NAV2: variants seen among roughly 807,000 people sequenced by gnomAD.
NAV2 encodes helicase, APC down-regulated 1.
NAV2 carries 54 observed loss-of-function variants against 223.2 expected under a neutral mutation model. The ratio of observed to expected loss-of-function variants is 0.24; its 90% confidence interval spans 0.19 to 0.30. The LOEUF is 0.30. NAV2 is among the 10% of genes least tolerant of loss of function. The pLI is 1.00. For missense variants in NAV2, 2,806 were observed against 3,147.5 expected (o/e 0.89, Z 2.60); for synonymous variants, 1,279 against 1,239.3 (o/e 1.03, Z -0.67).
At chr11:20,093,839 G>A (rs1429081013) in intron 29 of NAV2, among the ~76,000 whole-genome samples, 1 of 152,180 alleles carries the variant, frequency 6.6e-6, no homozygotes, top group East Asian at 1.9e-4. Flanking sequence ...GATATTGAAA[G>A]TTGAATTTTA....
At chr11:19,367,379 C>T (rs534717040) in intron 1 of NAV2, among the ~76,000 whole-genome samples, 1 of 152,140 alleles carries the variant, frequency 6.6e-6, no homozygotes, top group South Asian at 2.1e-4. Context: ...AAAGCTGTTT[C>T]CCTGTCTGTT....
intron 29 of NAV2, 22 bp from the exon 30 acceptor site, chr11:20,095,650 G>A (rs1311080660): frequency 6.4e-7 from 1 of 1,556,770 alleles, no homozygotes; most frequent in Non-Finnish European, 8.9e-7. Context: ...TTTTTCACCT[G>A]TGTACATTTC....
chr11:19,520,456 C>A (rs1461385694), intron 1 of NAV2, among the ~76,000 whole-genome samples: 2 of 152,232 alleles, frequency 1.3e-5, no homozygotes, highest in East Asian at 1.9e-4. Flanking sequence ...GCCTCCCTGT[C>A]CCATACCTCA....
At chr11:19,908,765 A>C (rs967636298) in intron 6 of NAV2, among the ~76,000 whole-genome samples, 1 of 152,216 alleles carries the variant, frequency 6.6e-6, no homozygotes, top group Non-Finnish European at 1.5e-5. Flanking sequence ...TTCTAGACAC[A>C]AAAGGCCAAA....
intron 1 of NAV2, among the ~76,000 whole-genome samples, chr11:19,687,286 G>C (rs544210725): frequency 6.6e-6 from 1 of 152,218 alleles, no homozygotes; most frequent in Non-Finnish European, 1.5e-5. Flanking sequence ...AGCCAGAAAA[G>C]AGCTAGAAAT....
intron 1 of NAV2, among the ~76,000 whole-genome samples, chr11:19,819,236 T>C (rs192542541): frequency 2.6e-5 from 4 of 152,322 alleles, no homozygotes; most frequent in African/African-American, 9.6e-5. Flanking sequence ...AGATGCAAAG[T>C]GCTTTCAGAG....
intron 11 of NAV2, among the ~76,000 whole-genome samples, chr11:19,990,849 A>C (rs1348458913): frequency 2.0e-5 from 3 of 152,190 alleles, no homozygotes; most frequent in Non-Finnish European, 4.4e-5. Flanking sequence ...ACAAAGAACA[A>C]TTCCCACACT....
chr11:19,837,817 G>A (rs1250357625), intron 2 of NAV2, among the ~76,000 whole-genome samples: 1 of 152,236 alleles, frequency 6.6e-6, no homozygotes, highest in Non-Finnish European at 1.5e-5. Flanking sequence ...CCTGTGCAGA[G>A]CAATCACATG....
At chr11:19,878,872 A>G (rs2063023145) in intron 4 of NAV2, among the ~76,000 whole-genome samples, 1 of 152,128 alleles carries the variant, frequency 6.6e-6, no homozygotes, top group South Asian at 2.1e-4. Context: ...GTAAGTGTGC[A>G]TTACCTACCC....
chr11:19,380,572 A>T (rs1252624601), intron 1 of NAV2: 2 of 152,288 alleles, frequency 1.3e-5, no homozygotes, highest in Non-Finnish European at 2.9e-5. Context: ...AAGTGGCAGA[A>T]CCTTCATGAC....
intron 1 of NAV2, among the ~76,000 whole-genome samples, chr11:19,758,615 G>A (rs555197304): frequency 1.3e-5 from 2 of 152,364 alleles, no homozygotes; most frequent in African/African-American, 4.8e-5. Context: ...GAGCTGAGCT[G>A]GTGGGCAGCC....
At chr11:19,632,527 G>GA (rs1465893579) in intron 1 of NAV2, among the ~76,000 whole-genome samples, 2 of 152,150 alleles carry the variant, frequency 1.3e-5, no homozygotes, top group African/African-American at 4.8e-5. Flanking sequence ...TCATTATTAT[G>GA]AGATTATTAA....
intron 1 of NAV2, among the ~76,000 whole-genome samples, chr11:19,429,346 A>G (rs4550206): frequency 0.2 from 30,641 of 152,262 alleles, 3,441 homozygotes; most frequent in Middle Eastern, 0.3. Context: ...CAGTTAACCA[A>G]TCAATAAAGC....
At chr11:19,623,130 A>T (rs1207085311) in intron 1 of NAV2, among the ~76,000 whole-genome samples, 1 of 152,158 alleles carries the variant, frequency 6.6e-6, no homozygotes, top group Non-Finnish European at 1.5e-5. Flanking sequence ...CTGCTGAGAG[A>T]TTCACTGTTA....
At chr11:19,462,215 A>G (rs776420743) in intron 1 of NAV2, among the ~76,000 whole-genome samples, 18 of 152,238 alleles carry the variant, frequency 1.2e-4, no homozygotes, top group East Asian at 5.8e-4. Flanking sequence ...TGAAGGGCCT[A>G]TTAAAACACA....
At chr11:19,763,227 C>A (rs917632393) in intron 1 of NAV2, among the ~76,000 whole-genome samples, 1 of 152,166 alleles carries the variant, frequency 6.6e-6, no homozygotes, top group African/African-American at 2.4e-5. Flanking sequence ...TTGCTTTTGA[C>A]AAAATGAAAT....
At chr11:19,461,520 G>C (rs1391586943) in intron 1 of NAV2, among the ~76,000 whole-genome samples, 1 of 152,120 alleles carries the variant, frequency 6.6e-6, no homozygotes, top group Non-Finnish European at 1.5e-5. Context: ...TGTTAATAAG[G>C]ATGATGATGA....
chr11:19,792,144 A>G (rs901937984), intron 1 of NAV2, among the ~76,000 whole-genome samples: 1 of 152,214 alleles, frequency 6.6e-6, no homozygotes, highest in African/African-American at 2.4e-5. Context: ...TTAAATTTAG[A>G]GACTGACAGG....
intron 11 of NAV2, among the ~76,000 whole-genome samples, chr11:19,985,751 T>C (rs558472657): frequency 1.3e-5 from 2 of 152,198 alleles, no homozygotes; most frequent in East Asian, 3.9e-4. Context: ...TAATTTTGAA[T>C]TTTTAGTAGA....
Sources: gnomAD v4.1 joint callset for allele counts (sites outside exome capture counted in the v4.1 genomes callset) on GRCh38, gnomAD v4.1.1 for gene constraint, MANE v1.5 for transcripts, NCBI Gene and HGNC (gene_info 2026-07-23, HGNC 2026-07-21) for gene names.